Variants in B3GALT1 observed in about 807,000 individuals in gnomAD.
The protein encoded by B3GALT1 is UDP-Gal:betaGlcNAc beta 1,3-galactosyltransferase, polypeptide 1.
Under a neutral mutation model 23.2 loss-of-function variants are expected in B3GALT1, and 10 were observed. That is an observed-to-expected ratio of 0.43 (90% CI 0.27 to 0.73). The LOEUF is 0.73. Ranked by LOEUF, B3GALT1 falls within the 30% of genes least tolerant of loss-of-function variation. The probability of loss-of-function intolerance (pLI) is 0.21; values close to 1 mark genes in which losing one functional copy is unlikely to be tolerated. For missense variants in B3GALT1, 299 were observed against 405.4 expected (o/e 0.74, Z 2.25); for synonymous variants, 156 against 141.5 (o/e 1.10, Z -0.73).
At chr2:167,617,808 G>A (rs1032344741) in intron 2 of B3GALT1, among the ~76,000 whole-genome samples, 4 of 151,918 alleles carry the variant, frequency 2.6e-5, no homozygotes, top group Non-Finnish European at 5.9e-5. Context: ...ACACCACTTG[G>A]CTATAATTAA....
chr2:167,821,682 G>T (rs927373569), intron 4 of B3GALT1, among the ~76,000 whole-genome samples: 2 of 152,032 alleles, frequency 1.3e-5, no homozygotes, highest in South Asian at 2.1e-4. Flanking sequence ...TGATCCACCC[G>T]CCTCATCCTC....
At chr2:167,363,708 CT>C (rs1387990310) in intron 1 of B3GALT1, among the ~76,000 whole-genome samples, 1 of 152,186 alleles carries the variant, frequency 6.6e-6, no homozygotes, top group Admixed American at 6.5e-5. Context: ...CCATCACTTA[CT>C]TTTGCCATGT....
chr2:167,574,814 T>C (rs576416895), intron 2 of B3GALT1, among the ~76,000 whole-genome samples: 2 of 151,900 alleles, frequency 1.3e-5, no homozygotes, highest in East Asian at 1.9e-4. Context: ...TAATTCTAGA[T>C]ACATTTCTTC....
intron 1 of B3GALT1, among the ~76,000 whole-genome samples, chr2:167,475,979 C>T (rs1699479629): frequency 6.6e-6 from 1 of 152,074 alleles, no homozygotes; most frequent in Non-Finnish European, 1.5e-5. Flanking sequence ...ATGTCTGTGT[C>T]CACATTTCTT....
intron 3 of B3GALT1, among the ~76,000 whole-genome samples, chr2:167,662,969 A>C (rs187383607): frequency 6.6e-6 from 1 of 151,316 alleles, no homozygotes. Flanking sequence ...TTTTATTCTT[A>C]TTCTTACACT....
At chr2:167,845,131 C>T (rs1316729743) in intron 4 of B3GALT1, among the ~76,000 whole-genome samples, 2 of 152,078 alleles carry the variant, frequency 1.3e-5, no homozygotes, top group Non-Finnish European at 2.9e-5. Flanking sequence ...CCTCCCACTG[C>T]CCCCACCTGA....
intron 3 of B3GALT1, among the ~76,000 whole-genome samples, chr2:167,761,680 C>T (rs1687902232): frequency 6.6e-6 from 1 of 152,202 alleles, no homozygotes; most frequent in South Asian, 2.1e-4. Context: ...TTTAAGCAGC[C>T]TTCTGGCTTT....
intron 2 of B3GALT1, among the ~76,000 whole-genome samples, chr2:167,508,585 G>A (rs2105352505): frequency 6.6e-6 from 1 of 152,046 alleles, no homozygotes; most frequent in South Asian, 2.1e-4. Flanking sequence ...TGTTTTCTCA[G>A]TCAATGAATA....
Position 167,866,850 on chromosome 2 carries a change from G to A in B3GALT1, c.-229-1961G>A, listed in dbSNP as rs990607352. Reference sequence around the variant, plus strand: ...CCTAGGACAATGGCAGAGAAAGTTTGCTTTCTAGTACCATCTTGGGACTCA... The same window carrying A: ...CCTAGGACAATGGCAGAGAAAGTTTACTTTCTAGTACCATCTTGGGACTCA... On this transcript the variant is annotated intron_variant, in intron 4 of 4. Transcript: ENST00000392690. 3.3e-5 allele frequency among the ~76,000 whole-genome samples: 5 copies of A among 152,206 alleles called. 1 individual carries two copies. Among genetic ancestry groups the A allele is most frequent in the African/African-American group, 1.2e-4 (5 of 41,458 alleles).
intron 3 of B3GALT1, among the ~76,000 whole-genome samples, chr2:167,667,213 T>G (rs1403982042): frequency 6.6e-6 from 1 of 152,166 alleles, no homozygotes; most frequent in East Asian, 1.9e-4. Context: ...CTTATGAAGC[T>G]TAGTTTGGCT....
intron 1 of B3GALT1, among the ~76,000 whole-genome samples, chr2:167,334,628 A>G (rs1440325453): frequency 6.6e-6 from 1 of 152,190 alleles, no homozygotes; most frequent in Non-Finnish European, 1.5e-5. Context: ...TACAATCCTT[A>G]AATGAAAGAT....
intron 3 of B3GALT1, chr2:167,716,170 A>T (rs538471240): frequency 8.5e-7 from 1 of 1,179,478 alleles, no homozygotes; most frequent in East Asian, 2.6e-5. Context: ...GCGGCAACCA[A>T]CCGGAGCGGA....
rs552839882 is a variant in B3GALT1 at position 167,334,461 on chromosome 2, A to G, written c.-511+41127A>G. ...AAGTTCGTTTTAAAGGAGGTCATGA[A>G]CTGATTCATTCAAGTTTGTAATTCC... is the stretch of plus-strand genomic sequence containing the variant. On this transcript the variant is annotated intron_variant, in intron 1 of 4. Transcript: ENST00000392690. 5.3e-5 allele frequency among the ~76,000 whole-genome samples: 8 copies of G among 152,322 alleles called. No homozygotes were observed. In the East Asian group the frequency reaches 7.7e-4, roughly 15 times the overall value.
chr2:167,512,252 C>A (rs1700016329), intron 2 of B3GALT1, among the ~76,000 whole-genome samples: 1 of 151,680 alleles, frequency 6.6e-6, no homozygotes, highest in Admixed American at 6.6e-5. Flanking sequence ...TAAAGAAATT[C>A]TTTATCAGTT....
intron 3 of B3GALT1, among the ~76,000 whole-genome samples, chr2:167,772,353 T>G (rs1443545897): frequency 6.6e-6 from 1 of 152,194 alleles, no homozygotes; most frequent in African/African-American, 2.4e-5. Context: ...ATTATCTAAT[T>G]TAGTTCTCAT....
chr2:167,309,939 A>T (rs1481382291), intron 1 of B3GALT1, among the ~76,000 whole-genome samples: 2 of 152,114 alleles, frequency 1.3e-5, no homozygotes, highest in Non-Finnish European at 2.9e-5. Flanking sequence ...CATGCAGTAC[A>T]TACTAGTTTT....
chr2:167,818,369 C>G (rs1689038978), intron 3 of B3GALT1, among the ~76,000 whole-genome samples: 1 of 152,174 alleles, frequency 6.6e-6, no homozygotes, highest in Non-Finnish European at 1.5e-5. Flanking sequence ...TAGCTCATCA[C>G]AGTACCCACC....
Position 167,394,105 on chromosome 2 carries a change from A to G in B3GALT1, c.-510-96072A>G, listed in dbSNP as rs1038662529. ...GTGAAATTAATCCAAAGTATGTAGC[A>G]AAACACATTGCTGCCTTAGTGTATA... is the stretch of plus-strand genomic sequence containing the variant. On this transcript the variant is annotated intron_variant, in intron 1 of 4. Coordinates refer to ENST00000392690, the MANE Select transcript of B3GALT1 (RefSeq NM_020981.4). Among the ~76,000 whole-genome samples the G allele has an allele frequency of 3.3e-5, 5 of 152,170 alleles. No individual in the cohort carries two copies. The East Asian group carries it at 9.6e-4, about 29-fold the overall frequency.
rs564213174 is a variant in B3GALT1, at chr2:167,321,809, A to G, written c.-511+28475A>G. On this transcript the variant is annotated intron_variant, in intron 1 of 4. Coordinates refer to ENST00000392690, the MANE Select transcript of B3GALT1 (RefSeq NM_020981.4). The stretch of plus-strand genomic sequence containing the variant: ...CACCCTTTCAGCTCCTATTCCACTT[A>G]TAAACTTCCCAATATGGTAATCTAA... Among the ~76,000 whole-genome samples the G allele has an allele frequency of 3.9e-5, 6 of 152,148 alleles. No homozygotes were observed. In the South Asian group the frequency reaches 1.2e-3, roughly 32 times the overall value.
Sources: allele counts gnomAD v4.1 joint callset (sites outside exome capture counted in the v4.1 genomes callset), GRCh38; gene constraint gnomAD v4.1.1; transcripts MANE v1.5; gene names NCBI Gene and HGNC (gene_info 2026-07-23, HGNC 2026-07-21).